Variants in PRUNE2 observed in about 807,000 individuals in gnomAD.
PRUNE2 encodes prune homolog 2 with BCH domain.
A neutral mutation model predicts 252.0 loss-of-function variants in PRUNE2; 164 were observed. The observed-to-expected ratio is 0.65, with a 90% CI of 0.57 to 0.74. PRUNE2 has a LOEUF of 0.74. Ranked by LOEUF, PRUNE2 falls within the 30% of genes least tolerant of loss-of-function variation. PRUNE2 has a pLI of 0.00. For synonymous variants in PRUNE2, 1,292 were observed against 1,350.2 expected (o/e 0.96, Z 0.94); for missense variants, 3,495 against 3,711.0 (o/e 0.94, Z 1.51).
At chr9:76,864,735 G>A (rs1383683447) in intron 1 of PRUNE2, among the ~76,000 whole-genome samples, 1 of 152,134 alleles carries the variant, frequency 6.6e-6, no homozygotes, top group African/African-American at 2.4e-5. Context: ...TGTGATCGGG[G>A]CAATTAAGAG....
At chr9:76,751,634 T>C (rs575527070) in intron 6 of PRUNE2, among the ~76,000 whole-genome samples, 9 of 152,288 alleles carry the variant, frequency 5.9e-5, no homozygotes, top group African/African-American at 2.2e-4. Flanking sequence ...TATGGCAGAA[T>C]AGCTCTGTTT....
At chr9:76,877,212 A>C (rs1236511839) in intron 1 of PRUNE2, among the ~76,000 whole-genome samples, 1 of 152,060 alleles carries the variant, frequency 6.6e-6, no homozygotes, top group African/African-American at 2.4e-5. Flanking sequence ...TCATTAAAAA[A>C]AAAAAATTCA....
chr9:76,712,894 G>A (rs1357560041), intron 7 of PRUNE2, among the ~76,000 whole-genome samples: 1 of 152,138 alleles, frequency 6.6e-6, no homozygotes, highest in African/African-American at 2.4e-5. Context: ...GGCAGAGACT[G>A]TGCCTCTAGC....
At chr9:76,895,613 T>G (rs895927528) in intron 1 of PRUNE2, among the ~76,000 whole-genome samples, 1 of 152,158 alleles carries the variant, frequency 6.6e-6, no homozygotes, top group Non-Finnish European at 1.5e-5. Flanking sequence ...ACACTAAATT[T>G]AAATGATCTT....
chr9:76,674,512 C>T (rs1238222600), intron 9 of PRUNE2, among the ~76,000 whole-genome samples: 12 of 151,988 alleles, frequency 7.9e-5, no homozygotes, highest in Non-Finnish European at 1.6e-4. Flanking sequence ...GATTCAATGC[C>T]ATCCCCATCA....
intron 18 of PRUNE2, among the ~76,000 whole-genome samples, chr9:76,615,551 G>T (rs756880812): frequency 6.6e-6 from 1 of 152,070 alleles, no homozygotes; most frequent in Non-Finnish European, 1.5e-5. Context: ...CAGCAATTCC[G>T]TCACTTATTA....
chr9:76,744,774 C>A (rs2049958667), intron 6 of PRUNE2, among the ~76,000 whole-genome samples: 1 of 152,192 alleles, frequency 6.6e-6, no homozygotes, highest in Non-Finnish European at 1.5e-5. Context: ...CCCAGGGGAG[C>A]TTGCAGCTCT....
intron 9 of PRUNE2, among the ~76,000 whole-genome samples, chr9:76,693,322 T>C (rs1278404552): frequency 6.7e-6 from 1 of 148,204 alleles, no homozygotes; most frequent in East Asian, 2.0e-4. Context: ...CATGGCAGAA[T>C]AGGGGGATGG....
In PRUNE2 at chr9:76,794,288, A is replaced by G. The variant is rs982551347; in HGVS notation, c.756+29344T>C. 3.9e-5 allele frequency among the ~76,000 whole-genome samples: 6 copies of G among 152,292 alleles called. No homozygotes were observed. The East Asian group carries it at 7.7e-4, about 20-fold the overall frequency. On this transcript the variant is annotated intron_variant, in intron 6 of 18. Transcript: ENST00000376718. ...GACTCAGGCCCTGGGGCTCAGCCTC[A>G]GGAGGTATCTGGAGGCAGTAAGGTG...
chr9:76,715,557 G>C lies in PRUNE2; in HGVS notation c.757-1836C>G, dbSNP rs558307758. 2.0e-5 allele frequency among the ~76,000 whole-genome samples: 3 copies of C among 152,286 alleles called. No homozygotes were observed. The South Asian group carries it at 6.2e-4, about 32-fold the overall frequency. On this transcript the variant is annotated intron_variant, in intron 6 of 18. Coordinates refer to ENST00000376718, the MANE Select transcript of PRUNE2 (RefSeq NM_015225.3). ...TGCTGATGAACATCAAGGATCTATT[G>C]TAATGACATTTATGATCATATAAGT...
intron 11 of PRUNE2, among the ~76,000 whole-genome samples, chr9:76,651,211 C>T (rs1204630530): frequency 5.0e-5 from 3 of 60,352 alleles, no homozygotes; most frequent in African/African-American, 1.8e-4. Flanking sequence ...ACCCCAATAA[C>T]TTATGGAAAA....
At chr9:76,642,001 T>TAAAAAAAAAAAAAAAAAAGAAAA in intron 12 of PRUNE2, 1 of 1,010,458 alleles carries the variant, frequency 9.9e-7, no homozygotes, top group Non-Finnish European at 1.4e-6. Context: ...ATAAGAGAAG[T>TAAAAAAAAAAAAAAAAAAGAAAA]AAAAAAAAAA....
At chr9:76,830,915 T>C (rs945757232) in intron 4 of PRUNE2, among the ~76,000 whole-genome samples, 1 of 149,706 alleles carries the variant, frequency 6.7e-6, no homozygotes, top group Non-Finnish European at 1.5e-5. Context: ...TAGAATTCCA[T>C]ACTGAGTGAA....
chr9:76,896,447 G>A (rs753783128), intron 1 of PRUNE2, among the ~76,000 whole-genome samples: 1 of 152,190 alleles, frequency 6.6e-6, no homozygotes, highest in Non-Finnish European at 1.5e-5. Context: ...ACTTTGGGTT[G>A]GCTGATGTGC....
At position 76,744,453 on chromosome 9, in the gene PRUNE2, G is replaced by A. The variant is rs930541768; in HGVS notation, c.757-30732C>T. ...CAGGTTTTTCTACCCCAAGGGCGGG[G>A]CTGTCTACTTCTGACTCATTTCTAC... On this transcript the variant is annotated intron_variant, in intron 6 of 18. Transcript: ENST00000376718. Among the ~76,000 whole-genome samples the A allele has an allele frequency of 4.6e-5, 7 of 152,086 alleles. No homozygotes were observed. The East Asian group carries it at 1.3e-3, about 29-fold the overall frequency.
At chr9:76,895,570 C>T (rs2062767087) in intron 1 of PRUNE2, among the ~76,000 whole-genome samples, 1 of 152,096 alleles carries the variant, frequency 6.6e-6, no homozygotes, top group South Asian at 2.1e-4. Context: ...TTTCTGAAAT[C>T]GCTTATGCAC....
At chr9:76,697,515 G>A (rs1285459618) in intron 9 of PRUNE2, among the ~76,000 whole-genome samples, 3 of 152,114 alleles carry the variant, frequency 2.0e-5, no homozygotes, top group Non-Finnish European at 4.4e-5. Context: ...ATTTACTCAG[G>A]TATCAAAAAA....
At chr9:76,816,573 A>G (rs1045479544) in intron 6 of PRUNE2, among the ~76,000 whole-genome samples, 1 of 152,164 alleles carries the variant, frequency 6.6e-6, no homozygotes, top group Non-Finnish European at 1.5e-5. Context: ...AATCCACACA[A>G]TCAAAGTTAC....
chr9:76,639,726 G>C (rs113291377), intron 12 of PRUNE2, among the ~76,000 whole-genome samples: 1 of 152,266 alleles, frequency 6.6e-6, no homozygotes, highest in Non-Finnish European at 1.5e-5. Context: ...GAAAACTTGA[G>C]AATTGCTTCC....
Sources: gnomAD v4.1 joint callset for allele counts (sites outside exome capture counted in the v4.1 genomes callset) on GRCh38, gnomAD v4.1.1 for gene constraint, MANE v1.5 for transcripts, NCBI Gene and HGNC (gene_info 2026-07-23, HGNC 2026-07-21) for gene names.